Variants in SPAG1 observed in about 807,000 individuals in gnomAD.
SPAG1 encodes the protein sperm-associated antigen 1.
Under a neutral mutation model 100.5 loss-of-function variants are expected in SPAG1, and 69 were observed. The ratio of observed to expected loss-of-function variants is 0.69; its 90% confidence interval spans 0.57 to 0.84. The LOEUF (loss-of-function observed/expected upper bound fraction) is 0.84. SPAG1 is among the 40% of genes least tolerant of loss of function. The pLI is 0.00. For synonymous variants in SPAG1, 336 were observed against 411.6 expected (o/e 0.82, Z 2.22); for missense variants, 955 against 1,133.1 (o/e 0.84, Z 2.26).
chr8:100,220,478 T>G (rs748106528), intron 13 of SPAG1, 47 bp downstream of exon 13: 34 of 1,496,352 alleles, frequency 2.3e-5, no homozygotes, highest in Non-Finnish European at 2.9e-5. Flanking sequence ...TTTTATACTG[T>G]TTTTCCCTTC....
At chr8:100,211,151 C>T (rs1399117010) in intron 10 of SPAG1, among the ~76,000 whole-genome samples, 2 of 151,840 alleles carry the variant, frequency 1.3e-5, no homozygotes, top group Non-Finnish European at 2.9e-5. Context: ...TTAGTAACTC[C>T]CAAGTCACTG....
At chr8:100,169,548 G>A (rs1284146804) in intron 3 of SPAG1, among the ~76,000 whole-genome samples, 1 of 152,170 alleles carries the variant, frequency 6.6e-6, no homozygotes, top group East Asian at 1.9e-4. Flanking sequence ...AGACCAGACT[G>A]GCCAACGTGG....
rs1189613859 is a variant in SPAG1, at chr8:100,183,929, T to C, written c.489-27T>C. 3.5e-6 allele frequency: 4 copies of C among 1,135,588 alleles called. No homozygotes were observed. In the African/African-American group the frequency reaches 6.4e-5, roughly 18 times the overall value. 70.3% of individuals were successfully genotyped at this position (1,135,588 alleles called of 1,614,324 possible). A position where few individuals can be genotyped will look rare whatever the true frequency, so the allele number is the denominator to read the frequency against. ...ATTTTCTTGCCTGTATTGTACTTTT[T>C]TGGTTTTTATTGTTCTTTCATTTAA... On this transcript the variant is annotated intron_variant, in intron 5 of 18. Coordinates refer to ENST00000388798, the MANE Select transcript of SPAG1 (RefSeq NM_003114.5).
intron 14 of SPAG1, among the ~76,000 whole-genome samples, chr8:100,228,041 A>C (rs1586540093): frequency 6.6e-6 from 1 of 151,790 alleles, no homozygotes; most frequent in African/African-American, 2.4e-5. Flanking sequence ...ACAGGATCTC[A>C]TTATGTTGCC....
chr8:100,166,082 T>A, intron 3 of SPAG1, 109 bp downstream of exon 3: 1 of 964,910 alleles, frequency 1.0e-6, no homozygotes, highest in Non-Finnish European at 1.5e-6. Flanking sequence ...GGGCTTTTAG[T>A]GTCAATTAGG....
At chr8:100,181,983 G>A (rs948270938) in intron 4 of SPAG1, among the ~76,000 whole-genome samples, 1 of 152,124 alleles carries the variant, frequency 6.6e-6, no homozygotes, top group Non-Finnish European at 1.5e-5. Flanking sequence ...GGACTGCATA[G>A]TACTCATTTA....
intron 3 of SPAG1, among the ~76,000 whole-genome samples, chr8:100,171,147 G>T (rs1187495047): frequency 6.6e-6 from 1 of 152,176 alleles, no homozygotes; most frequent in Admixed American, 6.6e-5. Flanking sequence ...AAATTATGTA[G>T]ATTGTTTTCA....
chr8:100,213,961 T>G (rs1308859772), intron 12 of SPAG1, 43 bp downstream of exon 12: 1 of 1,140,868 alleles, frequency 8.8e-7, no homozygotes, highest in African/African-American at 1.5e-5. Flanking sequence ...TTGTTATAAT[T>G]TCATTATGGT....
Position 100,165,957 on chromosome 8 carries a change from T to C in SPAG1, c.284T>C (p.Ile95Thr). ...ASFTAEEWEK[I>T]DGDIKSWVSE... ...TTTACAGCTGAAGAATGGGAAAAAA[T>C]TGATGGTGATATAAAGGTATATAGT... is the stretch of plus-strand genomic sequence containing the variant. Residue 95 changes from isoleucine to threonine, a missense_variant, in exon 3 of 19, where the codon ATT (isoleucine) becomes ACT (threonine). Physicochemically the swap from Ile to Thr is moderately conservative, Grantham distance 89. Coordinates refer to ENST00000388798, the MANE Select transcript of SPAG1 (RefSeq NM_003114.5). The C allele has an allele frequency of 6.2e-7, 1 of 1,613,554 alleles. No homozygotes were observed. The highest frequency in any genetic ancestry group is 1.1e-5 in the South Asian group (1 of 90,994).
At chr8:100,179,297 C>T (rs1490044846) in intron 4 of SPAG1, among the ~76,000 whole-genome samples, 4 of 152,212 alleles carry the variant, frequency 2.6e-5, no homozygotes, top group East Asian at 3.9e-4. Flanking sequence ...GCAGGAGAAT[C>T]GCTTGAACCT....
intron 12 of SPAG1, among the ~76,000 whole-genome samples, chr8:100,218,869 G>A (rs1818133265): frequency 6.6e-6 from 1 of 152,214 alleles, no homozygotes; most frequent in Non-Finnish European, 1.5e-5. Context: ...CATTTGCAGT[G>A]TTTGTATGTG....
chr8:100,214,759 G>A (rs1817890258), intron 12 of SPAG1, among the ~76,000 whole-genome samples: 1 of 151,982 alleles, frequency 6.6e-6, no homozygotes, highest in South Asian at 2.1e-4. Flanking sequence ...AAGGTGGGTG[G>A]ATTGCTTGAG....
At chr8:100,235,909 C>T (rs1407039913) in intron 16 of SPAG1, among the ~76,000 whole-genome samples, 1 of 152,122 alleles carries the variant, frequency 6.6e-6, no homozygotes, top group African/African-American at 2.4e-5. Flanking sequence ...TATGGCACCA[C>T]AAATTAAAAG....
At position 100,225,231 on chromosome 8, in the gene SPAG1, A is replaced by C; in HGVS notation, c.1747A>C (p.Ile583Leu). The C allele has an allele frequency of 1.2e-6, 2 of 1,613,860 alleles. No individual in the cohort carries two copies. Among genetic ancestry groups the C allele is most frequent in the Non-Finnish European group, 1.7e-6 (2 of 1,179,856 alleles). ...AAATTGGCGGGAGAAGCTGTCACCT[A>C]TTCCTGCTGTGCCTGCTTCTGTGCC... ...GPNWREKLSP[I>L]PAVPASVPLQ... Residue 583 changes from isoleucine (I) to leucine (L), a missense_variant, in exon 14 of 19, where the codon ATT becomes CTT. Transcript: ENST00000388798.
rs566858585 is a variant in SPAG1 at position 100,239,790 on chromosome 8, G to T, written c.2280+386G>T. ...AGCCTCACCTCATAGAGATTATCCAGATTGATTCAGACCTTTTTAGCACTC... is the reference window on the plus strand; with the variant it reads ...AGCCTCACCTCATAGAGATTATCCATATTGATTCAGACCTTTTTAGCACTC... On this transcript the variant is annotated intron_variant, in intron 17 of 18. Coordinates refer to ENST00000388798, the MANE Select transcript of SPAG1 (RefSeq NM_003114.5). This position sits in a 1 kb window ranked among gnomAD's most constrained non-coding sequence, Gnocchi z 5.0. Among the ~76,000 whole-genome samples the T allele has an allele frequency of 4.6e-4, 70 of 152,348 alleles. No individual in the cohort carries two copies. The highest frequency in any genetic ancestry group is 1.6e-3 in the African/African-American group (67 of 41,586).
In SPAG1 at chr8:100,231,207, A is replaced by G. The variant is rs776785688; in HGVS notation, c.1907A>G (p.Asp636Gly). ...GAAGAAGGAAATCAATGTGTAAATG[A>G]CAAAAACTATAAAGACGCCCTCAGT... Reference protein sequence around the residue: ...LKEEGNQCVNDKNYKDALSKY... With the variant: ...LKEEGNQCVNGKNYKDALSKY... The change falls in exon 15 of 19, where the codon GAC (aspartate) becomes GGC (glycine). Residue 636 changes from aspartate (D) to glycine (G), a missense_variant. Transcript: ENST00000388798. The G allele has an allele frequency of 2.5e-6, 4 of 1,608,398 alleles. No homozygotes were observed. In the South Asian group the frequency reaches 4.4e-5, roughly 18 times the overall value.
At chr8:100,184,085 T>G in intron 6 of SPAG1, 23 bp downstream of exon 6, 1 of 1,055,426 alleles carries the variant, frequency 9.5e-7, no homozygotes, top group East Asian at 2.7e-5. Context: ...AAAATAATAA[T>G]TTAGTAGTCT....
At chr8:100,216,543 C>T (rs1231293833) in intron 12 of SPAG1, among the ~76,000 whole-genome samples, 1 of 152,098 alleles carries the variant, frequency 6.6e-6, no homozygotes, top group Non-Finnish European at 1.5e-5. Flanking sequence ...AGATGGCTCA[C>T]CAGAGAGGGA....
At chr8:100,194,523 G>T in intron 10 of SPAG1, 5 of 568,538 alleles carry the variant, frequency 8.8e-6, no homozygotes, top group South Asian at 2.5e-5. Context: ...AAATGTAAAT[G>T]GCTGTGTTTA....
Sources: allele counts gnomAD v4.1 joint callset (sites outside exome capture counted in the v4.1 genomes callset), GRCh38; gene constraint gnomAD v4.1.1; non-coding constraint Gnocchi (gnomAD v3.1); transcripts MANE v1.5; gene names NCBI Gene and HGNC (gene_info 2026-07-23, HGNC 2026-07-21).